The following NPC1 variants were observed in gnomAD, a reference collection of about 807,000 sequenced individuals.
NPC1 encodes NPC intracellular cholesterol transporter 1, also known as Niemann-Pick C1 protein.
A neutral mutation model predicts 140.4 loss-of-function variants in NPC1; 85 were observed. That is an observed-to-expected ratio of 0.61 (90% CI 0.51 to 0.72). NPC1 has a LOEUF of 0.72. NPC1 is among the 30% of genes least tolerant of loss of function. The probability of loss-of-function intolerance (pLI) is 0.00; values close to 1 mark genes in which losing one functional copy is unlikely to be tolerated. For synonymous variants in NPC1, 656 were observed against 624.8 expected, an observed-to-expected ratio of 1.05 and a Z score of -0.74; for missense variants, 1,504 against 1,623.8, an observed-to-expected ratio of 0.93 and a Z score of 1.27.
At chr18:23,561,841 AC>A (rs1438968751) in intron 4 of NPC1, among the ~76,000 whole-genome samples, 1 of 152,198 alleles carries the variant, frequency 6.6e-6, no homozygotes, top group Non-Finnish European at 1.5e-5. Context: ...AGAAGAGTAT[AC>A]CAAGGCCCAG....
At chr18:23,584,582 A>C (rs944574805) in intron 1 of NPC1, among the ~76,000 whole-genome samples, 2 of 152,176 alleles carry the variant, frequency 1.3e-5, no homozygotes, top group Non-Finnish European at 2.9e-5. Flanking sequence ...TAATAATGTG[A>C]AGCCTGGCTG....
chr18:23,573,528 T>C lies in NPC1; in HGVS notation c.104A>G (p.Tyr35Cys). ...CVWYGECGIAYGDKRYNCEYS... is the reference protein window; with the variant it reads ...CVWYGECGIACGDKRYNCEYS... The stretch of plus-strand genomic sequence containing the variant: ...TTCGCAATTGTACCTCTTGTCCCCA[T>C]ATGCAATTCCACACTCTCCATACCA... Residue 35 changes from tyrosine (Y) to cysteine (C), a missense_variant, in exon 2 of 25, where the codon TAT becomes TGT. Tyr to Cys is a radical substitution (Grantham distance 194). Transcript: ENST00000269228. The C allele has an allele frequency of 1.9e-6, 3 of 1,614,138 alleles. No individual in the cohort carries two copies. The highest frequency in any genetic ancestry group is 1.3e-5 in the African/African-American group (1 of 75,018).
At chr18:23,586,240 C>A (rs770583678) in intron 1 of NPC1, 47 bp downstream of exon 1, 1 of 1,524,844 alleles carries the variant, frequency 6.6e-7, no homozygotes, top group Admixed American at 2.0e-5. Flanking sequence ...CGGCTCTCGG[C>A]CCCGCCACGT....
rs2058690524 is a variant in NPC1 at position 23,540,014 on chromosome 18, TAAAAG to T, written c.2605-18_2605-14del. 1.2e-6 allele frequency: 2 copies of T among 1,609,172 alleles called. No homozygotes were observed. The highest frequency in any genetic ancestry group is 8.5e-7 in the Non-Finnish European group (1 of 1,175,646). On this transcript the variant is annotated splice_polypyrimidine_tract_variant and intron_variant, in intron 17 of 24. Coordinates refer to ENST00000269228, the MANE Select transcript of NPC1 (RefSeq NM_000271.5). ...CCATGTAGGAGTCCTGAAAGAAAGATAAAAGAATAGGAGAGAGTGTGAACACTCTG... is the reference window on the plus strand; with the variant it reads ...CCATGTAGGAGTCCTGAAAGAAAGATAATAGGAGAGAGTGTGAACACTCTG...
intron 14 of NPC1, among the ~76,000 whole-genome samples, chr18:23,542,174 C>T (rs1178671175): frequency 6.6e-6 from 1 of 151,920 alleles, no homozygotes; most frequent in Non-Finnish European, 1.5e-5. Context: ...TCACTCCAAC[C>T]TTGAGGCACA....
intron 10 of NPC1, among the ~76,000 whole-genome samples, chr18:23,551,106 G>A (rs2058865740): frequency 6.6e-6 from 1 of 152,142 alleles, no homozygotes; most frequent in Admixed American, 6.5e-5. Flanking sequence ...AAGTACAATT[G>A]GTTCTAAAGT....
intron 23 of NPC1, chr18:23,533,781 T>C (rs1293330646): frequency 1.3e-5 from 6 of 472,374 alleles, no homozygotes; most frequent in South Asian, 4.1e-5. Flanking sequence ...GCTGGGGTTA[T>C]AGGCATGAGC....
chr18:23,580,225 T>C (rs759749922), intron 1 of NPC1, among the ~76,000 whole-genome samples: 1 of 152,204 alleles, frequency 6.6e-6, no homozygotes, highest in South Asian at 2.1e-4. Flanking sequence ...TGAGGTCACA[T>C]GGCTCATAAA....
At chr18:23,530,402 A>G (rs1417461454), downstream of NPC1, 4 of 1,614,208 alleles carry the variant, frequency 2.5e-6, no homozygotes, top group East Asian at 6.7e-5. Flanking sequence ...TTCAACAGCA[A>G]ATGATGAAAT....
Position 23,557,061 on chromosome 18 carries a change from C to T in NPC1, c.955+56G>A, listed in dbSNP as rs180712797. ...TGCAACCCCACTGAGGAAACGAATG[C>T]TCTCATGACAGACAGCATCATCTGA... On this transcript the variant is annotated intron_variant, in intron 7 of 24. Transcript: ENST00000269228. The T allele has an allele frequency of 1.6e-4, 226 of 1,421,154 alleles. 2 individuals are homozygous for T. Among genetic ancestry groups the T allele is most frequent in the Non-Finnish European group, 1.8e-5 (18 of 1,007,002 alleles). 88.0% of individuals were successfully genotyped at this position (1,421,154 alleles called of 1,614,324 possible).
Position 23,578,195 on chromosome 18 carries a change from A to C in NPC1, c.58-4621T>G, listed in dbSNP as rs574252262. On this transcript the variant is annotated intron_variant, in intron 1 of 24. Transcript: ENST00000269228. ...GACTGCCAGCACGCTGTCACCTCTC[A>C]ATATGTTAACCCAATTAATCCTACA... 2.0e-5 allele frequency among the ~76,000 whole-genome samples: 3 copies of C among 152,348 alleles called. No homozygotes were observed. The South Asian group carries it at 6.2e-4, about 32-fold the overall frequency.
chr18:23,507,864 G>A, intron 3 of NPC1: 1 of 777,144 alleles, frequency 1.3e-6, no homozygotes. Flanking sequence ...GTTGTCTTCA[G>A]TTATTTTCTG....
intron 5 of NPC1, 106 bp from the exon 6 acceptor site, chr18:23,560,586 GAAAGAAGAAAAA>G: frequency 8.5e-7 from 1 of 1,177,960 alleles, no homozygotes; most frequent in South Asian, 1.4e-5. Flanking sequence ...TAAAACAACT[GAAAGAAGAAAAA>G]GAATTGGAGG....
At chr18:23,523,967 C>T (rs1343904264) in intron 1 of NPC1, among the ~76,000 whole-genome samples, 3 of 152,118 alleles carry the variant, frequency 2.0e-5, no homozygotes, top group Non-Finnish European at 4.4e-5. Context: ...CCTTCCTCCC[C>T]GTACGTGCTT....
At chr18:23,552,826 G>C (rs1157357569) in intron 9 of NPC1, among the ~76,000 whole-genome samples, 1 of 152,236 alleles carries the variant, frequency 6.6e-6, no homozygotes, top group Non-Finnish European at 1.5e-5. Flanking sequence ...ATCTGAGAGA[G>C]CATCCAGAGG....
intron 17 of NPC1, 68 bp downstream of exon 17, chr18:23,540,380 T>A: frequency 9.6e-7 from 1 of 1,038,898 alleles, no homozygotes; most frequent in Non-Finnish European, 1.5e-6. Context: ...CCTACGTGCA[T>A]GTTTTGAAAA....
chr18:23,506,727 T>G (rs2057726463), intron 3 of NPC1: 3 of 384,638 alleles, frequency 7.8e-6, no homozygotes, highest in African/African-American at 6.3e-5. Context: ...AGGTGATATG[T>G]GTGTGTGATC....
downstream of NPC1, chr18:23,529,022 G>A (rs533602630): frequency 8.3e-7 from 1 of 1,198,828 alleles, no homozygotes; most frequent in South Asian, 1.6e-5. Context: ...TGGGATTACA[G>A]GCATGCGCAC....
chr18:23,560,183 T>C (rs1161733539), intron 6 of NPC1, 48 bp downstream of exon 6: 1 of 1,612,206 alleles, frequency 6.2e-7, no homozygotes, highest in Non-Finnish European at 8.5e-7. Flanking sequence ...AAAGTGCCAG[T>C]GGGCAATTTT....
Sources: gnomAD v4.1 joint callset for allele counts (sites outside exome capture counted in the v4.1 genomes callset) on GRCh38, gnomAD v4.1.1 for gene constraint, MANE v1.5 for transcripts, NCBI Gene and HGNC (gene_info 2026-07-23, HGNC 2026-07-21) for gene names.